Variants in ADGB observed in about 807,000 individuals in gnomAD.
ADGB encodes androglobin.
In ADGB, 172 loss-of-function variants were observed where a neutral mutation model predicts 210.5. That is an observed-to-expected ratio of 0.82 (90% CI 0.72 to 0.93). ADGB has a LOEUF of 0.93. Among genes scored for constraint, ADGB ranks in the 40% least tolerant of loss-of-function variants. The pLI is 0.00. For missense variants in ADGB, 2,025 were observed against 1,964.8 expected (o/e 1.03, Z -0.58); for synonymous variants, 658 against 662.7 (o/e 0.99, Z 0.11).
At chr6:146,611,754 T>A (rs1780714780) in intron 1 of ADGB, among the ~76,000 whole-genome samples, 1 of 152,148 alleles carries the variant, frequency 6.6e-6, no homozygotes, top group African/African-American at 2.4e-5. Flanking sequence ...TGGGCAAACC[T>A]TTTCCTGATG....
intron 10 of ADGB, among the ~76,000 whole-genome samples, chr6:146,688,326 T>C (rs969110532): frequency 1.3e-5 from 2 of 152,042 alleles, no homozygotes; most frequent in African/African-American, 4.8e-5. Flanking sequence ...CAGAAACATG[T>C]CATCCTTTCT....
At chr6:146,748,969 A>G (rs1434224970) in intron 26 of ADGB, among the ~76,000 whole-genome samples, 1 of 152,090 alleles carries the variant, frequency 6.6e-6, no homozygotes, top group African/African-American at 2.4e-5. Flanking sequence ...TCTGCAAAAG[A>G]CCCTATCTCC....
At chr6:146,659,083 T>G (rs553566643) in intron 5 of ADGB, among the ~76,000 whole-genome samples, 1 of 152,302 alleles carries the variant, frequency 6.6e-6, no homozygotes, top group East Asian at 1.9e-4. Flanking sequence ...ATATTAACAT[T>G]AGTAAGAAGT....
At chr6:146,787,842 T>C (rs973021062) in intron 32 of ADGB, among the ~76,000 whole-genome samples, 1 of 152,208 alleles carries the variant, frequency 6.6e-6, no homozygotes, top group Non-Finnish European at 1.5e-5. Flanking sequence ...TGTCTCTATA[T>C]AATGAGGAAA....
intron 25 of ADGB, 145 bp downstream of exon 25, chr6:146,741,416 T>C (rs540998041): frequency 3.1e-6 from 2 of 650,708 alleles, no homozygotes; most frequent in East Asian, 6.2e-5. Context: ...AGAAGTCCCA[T>C]ATATTTAACA....
intron 8 of ADGB, among the ~76,000 whole-genome samples, chr6:146,672,727 C>T (rs74865614): frequency 1.4e-5 from 2 of 142,820 alleles, no homozygotes; most frequent in African/African-American, 2.6e-5. Flanking sequence ...GTTTTTCTTT[C>T]TTTTTTTTTT....
chr6:146,754,701 A>T (rs1206688356), intron 27 of ADGB, among the ~76,000 whole-genome samples: 1 of 151,986 alleles, frequency 6.6e-6, no homozygotes, highest in Admixed American at 6.6e-5. Flanking sequence ...TATTTCTGTT[A>T]ATTTCTAATT....
intron 1 of ADGB, among the ~76,000 whole-genome samples, chr6:146,622,638 G>A (rs1449904597): frequency 1.3e-5 from 2 of 151,964 alleles, no homozygotes; most frequent in Non-Finnish European, 2.9e-5. Flanking sequence ...CTTTTACCAG[G>A]TATATACTTT....
At chr6:146,695,133 C>A (rs1776385767) in intron 12 of ADGB, among the ~76,000 whole-genome samples, 1 of 152,088 alleles carries the variant, frequency 6.6e-6, no homozygotes, top group Non-Finnish European at 1.5e-5. Flanking sequence ...GAACAATGAC[C>A]CTAACATTCA....
At chr6:146,808,926 G>T (rs950054901) in intron 35 of ADGB, among the ~76,000 whole-genome samples, 13 of 152,136 alleles carry the variant, frequency 8.5e-5, no homozygotes, top group African/African-American at 2.9e-4. Flanking sequence ...GAGAGAGAAA[G>T]CTGGGACCAA....
chr6:146,627,752 T>A (rs1780998505), intron 1 of ADGB, among the ~76,000 whole-genome samples: 1 of 152,088 alleles, frequency 6.6e-6, no homozygotes, highest in South Asian at 2.1e-4. Context: ...TCTGTGAAAC[T>A]CTCTCTTTTT....
chr6:146,731,880 G>A (rs955773471), intron 20 of ADGB, among the ~76,000 whole-genome samples: 5 of 152,092 alleles, frequency 3.3e-5, no homozygotes, highest in Non-Finnish European at 5.9e-5. Context: ...AATCGGGCAC[G>A]GAGTCTGCAA....
intron 33 of ADGB, among the ~76,000 whole-genome samples, chr6:146,792,312 T>C (rs905703045): frequency 6.6e-6 from 1 of 152,166 alleles, no homozygotes; most frequent in Non-Finnish European, 1.5e-5. Context: ...TTGCTTTGAG[T>C]GGTATGGACA....
intron 33 of ADGB, among the ~76,000 whole-genome samples, chr6:146,800,903 TCTC>T (rs1288135420): frequency 2.0e-5 from 3 of 152,172 alleles, no homozygotes; most frequent in African/African-American, 7.2e-5. Flanking sequence ...GGAGACTAAT[TCTC>T]CTCCATTTAA....
At chr6:146,672,729 T>TTC (rs1428219410) in intron 8 of ADGB, among the ~76,000 whole-genome samples, 3 of 145,710 alleles carry the variant, frequency 2.1e-5, no homozygotes, top group African/African-American at 7.9e-5. Flanking sequence ...TTTTCTTTCT[T>TTC]TTTTTTTTTT....
At chr6:146,697,334 A>G (rs1412446864) in intron 12 of ADGB, among the ~76,000 whole-genome samples, 3 of 152,242 alleles carry the variant, frequency 2.0e-5, no homozygotes, top group Non-Finnish European at 4.4e-5. Context: ...ATAGGTGGCT[A>G]ATACATGGTT....
At position 146,664,427 on chromosome 6, in the gene ADGB, A is replaced by C. The variant is rs568956713; in HGVS notation, c.752+87A>C. The C allele has an allele frequency of 3.0e-6, 4 of 1,312,144 alleles. No individual in the cohort carries two copies. In the Admixed American group the frequency reaches 1.3e-4, roughly 41 times the overall value. The allele number at this position is 1,312,144 out of a possible 1,614,324, so 81.3% of individuals were successfully genotyped here. On this transcript the variant is annotated intron_variant, in intron 6 of 35. Coordinates refer to ENST00000397944, the MANE Select transcript of ADGB (RefSeq NM_024694.4). ...TTTGTATTGCATAATTTATTTTTTTAAAATTAGCTAAAAGACAGCTTTTTC... is the reference window on the plus strand; with the variant it reads ...TTTGTATTGCATAATTTATTTTTTTCAAATTAGCTAAAAGACAGCTTTTTC...
rs142976788 is a variant in ADGB, at chr6:146,777,026, T to C, written c.3863-4994T>C. Among the ~76,000 whole-genome samples the C allele has an allele frequency of 4.4e-3, 672 of 152,030 alleles. 4 individuals are homozygous for C. Among genetic ancestry groups the C allele is most frequent in the Non-Finnish European group, 6.0e-3 (405 of 68,002 alleles). ...TGTTGGCAGAAGGGACAGTTTCCACTCCTATAGAGCGCTCACAGTCCCTTT... is the reference window on the plus strand; with the variant it reads ...TGTTGGCAGAAGGGACAGTTTCCACCCCTATAGAGCGCTCACAGTCCCTTT... On this transcript the variant is annotated intron_variant, in intron 29 of 35. Transcript: ENST00000397944.
In ADGB at chr6:146,770,501, C is replaced by T. The variant is rs751412820; in HGVS notation, c.3862+1370C>T. The T allele has an allele frequency of 2.1e-4, 92 of 435,126 alleles. 1 individual carries two copies. In the Admixed American group the frequency reaches 2.2e-3, roughly 10 times the overall value. 27.0% of individuals were successfully genotyped at this position (435,126 alleles called of 1,614,324 possible). On this transcript the variant is annotated intron_variant, in intron 29 of 35. Transcript: ENST00000397944. ...CTTCTGAGGTTCCTCTCTCATTGGG[C>T]AGGGATGTGTTCTTCCTCGGTCTCA... is the stretch of plus-strand genomic sequence containing the variant.
Sources: gnomAD v4.1 joint callset for allele counts (sites outside exome capture counted in the v4.1 genomes callset) on GRCh38, gnomAD v4.1.1 for gene constraint, MANE v1.5 for transcripts, NCBI Gene and HGNC (gene_info 2026-07-23, HGNC 2026-07-21) for gene names.